FCHO2: variants seen among roughly 807,000 people sequenced by gnomAD.
The protein encoded by FCHO2 is F-BAR domain only protein 2.
FCHO2 carries 43 observed loss-of-function variants against 114.1 expected under a neutral mutation model. The ratio of observed to expected loss-of-function variants is 0.38; its 90% CI spans 0.30 to 0.49. FCHO2 has a LOEUF of 0.49. Among genes scored for constraint, FCHO2 ranks in the 20% least tolerant of loss-of-function variants. The pLI, the probability that FCHO2 is intolerant of heterozygous loss-of-function variation, is 0.97. For synonymous variants in FCHO2, 293 were observed against 315.2 expected (o/e 0.93, Z 0.75); for missense variants, 807 against 950.4 (o/e 0.85, Z 1.98).
chr5:73,020,618 G>A (rs1755564986), intron 8 of FCHO2: 2 of 749,332 alleles, frequency 2.7e-6, no homozygotes, highest in Non-Finnish European at 4.8e-6. Context: ...ATGGGTTGGA[G>A]GTGGGGTTGG....
chr5:72,977,570 C>T (rs1449704037), intron 2 of FCHO2, among the ~76,000 whole-genome samples: 1 of 152,096 alleles, frequency 6.6e-6, no homozygotes, highest in Non-Finnish European at 1.5e-5. Context: ...CTGTAGGTTG[C>T]CTGTTCACTC....
At chr5:73,015,579 T>C (rs1755264429) in intron 6 of FCHO2, 47 bp from the exon 7 acceptor site, 1 of 1,103,388 alleles carries the variant, frequency 9.1e-7, no homozygotes, top group East Asian at 2.6e-5. Flanking sequence ...TATATATGTA[T>C]GTACCTGTAT....
chr5:73,042,043 A>C (rs1756830054), intron 11 of FCHO2, among the ~76,000 whole-genome samples: 1 of 152,134 alleles, frequency 6.6e-6, no homozygotes, highest in Non-Finnish European at 1.5e-5. Context: ...TTGATCTTTT[A>C]CAGCATCATA....
chr5:72,960,539 G>A (rs1018392727), intron 1 of FCHO2, among the ~76,000 whole-genome samples: 1 of 151,982 alleles, frequency 6.6e-6, no homozygotes, highest in African/African-American at 2.4e-5. Flanking sequence ...ACTTTAAAAA[G>A]ATATTATAAA....
chr5:73,068,518 CT>C (rs1325300457), intron 18 of FCHO2, 131 bp from the exon 19 acceptor site: 14 of 813,518 alleles, frequency 1.7e-5, no homozygotes, highest in Non-Finnish European at 2.7e-5. Context: ...TATGGCATCT[CT>C]GATACTAAGT....
At chr5:73,053,418 G>A (rs548767826) in intron 13 of FCHO2, among the ~76,000 whole-genome samples, 8 of 152,256 alleles carry the variant, frequency 5.3e-5, no homozygotes, top group East Asian at 1.9e-4. Context: ...ATATAGGGCC[G>A]GGCATGGTGG....
In FCHO2 at chr5:72,973,953, G is replaced by A. The variant is rs1451967165; in HGVS notation, c.125+5364G>A. ...ACATCTTTATTTCTGCCTTCATTTC[G>A]TTATGTACCCAGTAGTCATTCAGGA... is the stretch of plus-strand genomic sequence containing the variant. On this transcript the variant is annotated intron_variant, in intron 2 of 25. Coordinates refer to ENST00000430046, the MANE Select transcript of FCHO2 (RefSeq NM_138782.3). 1.8e-3 allele frequency among the ~76,000 whole-genome samples: 271 copies of A among 150,726 alleles called. 2 individuals are homozygous for A. Among genetic ancestry groups the A allele is most frequent in the African/African-American group, 6.3e-3 (259 of 41,080 alleles).
At chr5:73,048,785 T>A (rs2112827867) in intron 11 of FCHO2, among the ~76,000 whole-genome samples, 1 of 152,246 alleles carries the variant, frequency 6.6e-6, no homozygotes, top group East Asian at 1.9e-4. Context: ...TGCCAATTAT[T>A]GTATTAATAC....
rs1561502573 is a variant in FCHO2, at chr5:73,089,363, CAG to C, written c.*1275_*1276del. On this transcript the variant is annotated 3_prime_UTR_variant, in exon 26 of 26. Coordinates refer to ENST00000430046, the MANE Select transcript of FCHO2 (RefSeq NM_138782.3). ...TTTTTTAAAAGATTAATTTTGGAAACAGAAGGAGAAGCACTGCCATTTGTTTT... is the reference window on the plus strand; with the variant it reads ...TTTTTTAAAAGATTAATTTTGGAAACAAGGAGAAGCACTGCCATTTGTTTT... The C allele has an allele frequency of 1.3e-5, 2 of 152,018 alleles. No individual in the cohort carries two copies. Among genetic ancestry groups the C allele is most frequent in the South Asian group, 2.1e-4 (1 of 4,834 alleles). The allele number at this position is 152,018 out of a possible 1,614,324, so 9.4% of individuals were successfully genotyped here.
At chr5:72,977,843 G>A (rs1225056968) in intron 2 of FCHO2, among the ~76,000 whole-genome samples, 1 of 152,154 alleles carries the variant, frequency 6.6e-6, no homozygotes, top group Non-Finnish European at 1.5e-5. Flanking sequence ...CATATGGTTA[G>A]CCAGTTTTCC....
At chr5:73,012,810 A>T (rs2112732445) in intron 6 of FCHO2, among the ~76,000 whole-genome samples, 1 of 152,154 alleles carries the variant, frequency 6.6e-6, no homozygotes, top group Non-Finnish European at 1.5e-5. Flanking sequence ...AGGAATTGTG[A>T]TAGTTAGCAG....
chr5:73,088,291 A>G lies in FCHO2; in HGVS notation c.*201A>G. The stretch of plus-strand genomic sequence containing the variant: ...GAAATGATTCTCTATGTTGTAAATG[A>G]TCAACTACAATATTCAGGAAGCACA... On this transcript the variant is annotated 3_prime_UTR_variant, in exon 26 of 26. Coordinates refer to ENST00000430046, the MANE Select transcript of FCHO2 (RefSeq NM_138782.3). 1.7e-6 allele frequency: 1 copy of G among 605,558 alleles called. No individual in the cohort carries two copies. 37.5% of individuals were successfully genotyped at this position (605,558 alleles called of 1,614,324 possible).
chr5:72,990,361 C>A, intron 3 of FCHO2, 117 bp from the exon 4 acceptor site: 1 of 719,766 alleles, frequency 1.4e-6, no homozygotes, highest in South Asian at 2.3e-5. Flanking sequence ...TTAATTTCAT[C>A]TTTTGCCTAA....
chr5:73,026,843 C>T (rs1300204668), intron 8 of FCHO2, among the ~76,000 whole-genome samples: 1 of 151,998 alleles, frequency 6.6e-6, no homozygotes, highest in East Asian at 1.9e-4. Context: ...AGGCGTGCAT[C>T]ACCATACCTG....
chr5:73,073,099 T>C (rs149434183), intron 19 of FCHO2, among the ~76,000 whole-genome samples: 252 of 152,184 alleles, frequency 1.7e-3, no homozygotes, highest in African/African-American at 5.9e-3. Context: ...TCAGTAAATG[T>C]ATACTTAATC....
At chr5:73,012,379 T>C (rs1205403985) in intron 6 of FCHO2, among the ~76,000 whole-genome samples, 3 of 152,000 alleles carry the variant, frequency 2.0e-5, no homozygotes, top group African/African-American at 2.4e-5. Context: ...TCCCAGCGCT[T>C]TGGGAGGCCG....
At chr5:73,003,994 GC>G (rs1279378956) in intron 5 of FCHO2, among the ~76,000 whole-genome samples, 28 of 137,508 alleles carry the variant, frequency 2.0e-4, no homozygotes, top group African/African-American at 7.7e-4. Flanking sequence ...GTTGCAGTGA[GC>G]CAAGATTGCA....
chr5:73,055,217 G>A (rs1465272034), intron 15 of FCHO2: 2 of 208,128 alleles, frequency 9.6e-6, no homozygotes, highest in Non-Finnish European at 2.1e-5. Flanking sequence ...GGGGGTGTGA[G>A]GAAAATGAGG....
chr5:73,009,605 T>A (rs1754893429), intron 6 of FCHO2, among the ~76,000 whole-genome samples: 1 of 152,190 alleles, frequency 6.6e-6, no homozygotes, highest in South Asian at 2.1e-4. Flanking sequence ...GGCACGATCT[T>A]GGCTTACTGC....
Sources: gnomAD v4.1 joint callset for allele counts (sites outside exome capture counted in the v4.1 genomes callset) on GRCh38, gnomAD v4.1.1 for gene constraint, MANE v1.5 for transcripts, NCBI Gene and HGNC (gene_info 2026-07-23, HGNC 2026-07-21) for gene names.